The following FAM53B variants were observed in gnomAD, a reference collection of about 807,000 sequenced individuals.
FAM53B encodes the protein protein FAM53B.
FAM53B carries 12 observed loss-of-function variants against 32.7 expected under a neutral mutation model. The ratio of observed to expected loss-of-function variants is 0.37; its 90% confidence interval spans 0.24 to 0.59. FAM53B has a LOEUF of 0.59. FAM53B is among the 20% of genes least tolerant of loss of function. FAM53B has a pLI of 0.72. For synonymous variants in FAM53B, 234 were observed against 228.7 expected (o/e 1.02, Z -0.21); for missense variants, 477 against 577.7 (o/e 0.83, Z 1.79).
chr10:124,724,811 C>T lies in FAM53B; in HGVS notation c.-174-17924G>A, dbSNP rs192828726. 8.1e-4 allele frequency among the ~76,000 whole-genome samples: 124 copies of T among 152,306 alleles called. 2 individuals carry two copies. The highest frequency in any genetic ancestry group is 7.7e-3 in the Admixed American group (118 of 15,304). ...GGGAGTGGCCACACACAGCCCCATA[C>T]GAGAATGTCACGATCATCTCAGACT... On this transcript the variant is annotated intron_variant, in intron 1 of 4. Transcript: ENST00000337318.
chr10:124,690,623 T>G (rs1021688116), intron 3 of FAM53B, among the ~76,000 whole-genome samples: 9 of 152,260 alleles, frequency 5.9e-5, no homozygotes, highest in Non-Finnish European at 2.9e-5. Context: ...AACCACATTT[T>G]ACATCTACTT....
intron 2 of FAM53B, 141 bp downstream of exon 2, chr10:124,706,495 C>CAG: frequency 1.0e-6 from 1 of 978,354 alleles, no homozygotes; most frequent in Non-Finnish European, 1.6e-6. Context: ...CCTGTTGCCC[C>CAG]AGCCCGGGAC....
intron 4 of FAM53B, among the ~76,000 whole-genome samples, chr10:124,639,191 TG>T (rs1362065051): frequency 6.6e-6 from 1 of 151,928 alleles, no homozygotes; most frequent in African/African-American, 2.4e-5. Flanking sequence ...GATTCAGAGG[TG>T]GGCCATGGGG....
intron 4 of FAM53B, among the ~76,000 whole-genome samples, chr10:124,680,018 T>A (rs1328175512): frequency 6.6e-6 from 1 of 152,232 alleles, no homozygotes; most frequent in Non-Finnish European, 1.5e-5. Context: ...GGCTCTTGGT[T>A]TTCCTCAGAA....
chr10:124,679,552 G>A (rs890168788), intron 4 of FAM53B, among the ~76,000 whole-genome samples: 2 of 152,252 alleles, frequency 1.3e-5, no homozygotes, highest in Non-Finnish European at 2.9e-5. Context: ...GGGCTGACCA[G>A]GGTCTAGACT....
At chr10:124,741,540 T>G (rs1159657416) in intron 1 of FAM53B, among the ~76,000 whole-genome samples, 1 of 152,232 alleles carries the variant, frequency 6.6e-6, no homozygotes, top group Non-Finnish European at 1.5e-5. Flanking sequence ...GAGAGCAGGC[T>G]GGCCCTTCCT....
At chr10:124,638,895 G>A (rs1196848782) in intron 4 of FAM53B, among the ~76,000 whole-genome samples, 1 of 152,204 alleles carries the variant, frequency 6.6e-6, no homozygotes, top group Non-Finnish European at 1.5e-5. Context: ...GGCCCCACCT[G>A]CAGCGCCAGA....
At chr10:124,679,041 G>A (rs553760776) in intron 4 of FAM53B, among the ~76,000 whole-genome samples, 5 of 152,296 alleles carry the variant, frequency 3.3e-5, no homozygotes, top group South Asian at 2.1e-4. Context: ...ACCCACACAC[G>A]AAGGGCGCCT....
chr10:124,631,615 CGGCCACCACTCTCGGGCT>C (rs1014164250), intron 4 of FAM53B, among the ~76,000 whole-genome samples: 1 of 152,184 alleles, frequency 6.6e-6, no homozygotes, highest in African/African-American at 2.4e-5. Context: ...GGCCAGAGCC[CGGCCACCACTCTCGGGCT>C]GGCCTTTCCC....
At chr10:124,722,505 T>C (rs906029402) in intron 1 of FAM53B, among the ~76,000 whole-genome samples, 67 of 152,202 alleles carry the variant, frequency 4.4e-4, no homozygotes, top group African/African-American at 1.4e-3. Context: ...CCTGGAAGGA[T>C]ACAAAGGAAA....
At chr10:124,681,219 C>A (rs904053632) in intron 4 of FAM53B, among the ~76,000 whole-genome samples, 3 of 152,196 alleles carry the variant, frequency 2.0e-5, no homozygotes, top group Non-Finnish European at 4.4e-5. Context: ...CCAAGGGACA[C>A]TGAACCCCAG....
At chr10:124,692,714 CAAAAAAAAAA>C (rs5788679) in intron 3 of FAM53B, among the ~76,000 whole-genome samples, 2 of 69,046 alleles carry the variant, frequency 2.9e-5, no homozygotes, top group Non-Finnish European at 2.4e-5. Flanking sequence ...TACTCCATCT[CAAAAAAAAAA>C]AAAAAAAAAA....
At chr10:124,676,486 G>A (rs1949736999) in intron 4 of FAM53B, among the ~76,000 whole-genome samples, 1 of 152,208 alleles carries the variant, frequency 6.6e-6, no homozygotes, top group Admixed American at 6.5e-5. Context: ...GCCAAGGAAA[G>A]GCACAGCTGG....
intron 1 of FAM53B, among the ~76,000 whole-genome samples, chr10:124,718,324 A>G (rs139051257): frequency 1.3e-5 from 2 of 152,260 alleles, no homozygotes; most frequent in African/African-American, 4.8e-5. Flanking sequence ...TGACTGAGTC[A>G]TATCTACCAA....
At chr10:124,632,106 G>T (rs1490825664) in intron 4 of FAM53B, among the ~76,000 whole-genome samples, 1 of 152,206 alleles carries the variant, frequency 6.6e-6, no homozygotes, top group Non-Finnish European at 1.5e-5. Flanking sequence ...CCAGAGCCAC[G>T]CGTGTCCTCT....
intron 1 of FAM53B, among the ~76,000 whole-genome samples, chr10:124,732,486 C>T (rs759006423): frequency 1.1e-4 from 17 of 152,228 alleles, no homozygotes; most frequent in East Asian, 5.8e-4. Context: ...CACGCCACCA[C>T]GCCATGTCTC....
chr10:124,639,150 A>C (rs1949454416), intron 4 of FAM53B, among the ~76,000 whole-genome samples: 1 of 152,156 alleles, frequency 6.6e-6, no homozygotes, highest in Non-Finnish European at 1.5e-5. Flanking sequence ...CCTGACAGGG[A>C]GCCCCTAGTT....
intron 1 of FAM53B, among the ~76,000 whole-genome samples, chr10:124,731,565 C>T (rs1950142809): frequency 6.6e-6 from 1 of 150,618 alleles, no homozygotes. Context: ...TATTAAGACA[C>T]ACAAAATCAA....
intron 4 of FAM53B, among the ~76,000 whole-genome samples, chr10:124,681,109 T>C (rs1949767915): frequency 6.6e-6 from 1 of 152,218 alleles, no homozygotes; most frequent in Non-Finnish European, 1.5e-5. Flanking sequence ...AACATCCTGA[T>C]GGCCTCATGT....
Sources: gnomAD v4.1 joint callset for allele counts (sites outside exome capture counted in the v4.1 genomes callset) on GRCh38, gnomAD v4.1.1 for gene constraint, MANE v1.5 for transcripts, NCBI Gene and HGNC (gene_info 2026-07-23, HGNC 2026-07-21) for gene names.